Variants in PTPN1 observed in about 807,000 individuals in gnomAD.
PTPN1 encodes tyrosine-protein phosphatase non-receptor type 1.
A neutral mutation model predicts 59.9 loss-of-function variants in PTPN1; 12 were observed. The ratio of observed to expected loss-of-function variants is 0.20; its 90% CI spans 0.13 to 0.32. The LOEUF (loss-of-function observed/expected upper bound fraction) is 0.32, where lower values mean the gene tolerates loss of function less well. Ranked by LOEUF, PTPN1 falls within the 10% of genes least tolerant of loss-of-function variation. PTPN1 has a pLI of 1.00. For missense variants in PTPN1, 356 were observed against 549.2 expected (o/e 0.65, Z 3.52); for synonymous variants, 178 against 203.6 (o/e 0.87, Z 1.07).
rs373051248 is a variant in PTPN1, at chr20:50,582,654, G to A, written c.1285-38G>A. 7.4e-6 allele frequency: 12 copies of A among 1,611,216 alleles called. No homozygotes were observed. Among genetic ancestry groups the A allele is most frequent in the Non-Finnish European group, 1.0e-5 (12 of 1,178,650 alleles). ...CATGAGGCGACAGCTCTGCAGGTGC[G>A]GGTCTGGGCTCATCTGAACTGTTTG... On this transcript the variant is annotated intron_variant, in intron 9 of 9. Transcript: ENST00000371621. The surrounding 1 kb of genome is among the most constrained non-coding windows in gnomAD (Gnocchi z 4.2).
chr20:50,583,939 C>A lies in PTPN1; in HGVS notation c.*1224C>A, dbSNP rs1207632272. The A allele has an allele frequency of 6.6e-6, 1 of 152,586 alleles. No individual in the cohort carries two copies. Among genetic ancestry groups the A allele is most frequent in the East Asian group, 1.9e-4 (1 of 5,204 alleles). The allele number at this position is 152,586 out of a possible 1,614,324, so 9.5% of individuals were successfully genotyped here. A position where few individuals can be genotyped will look rare whatever the true frequency, so the allele number is the denominator to read the frequency against. On this transcript the variant is annotated 3_prime_UTR_variant, in exon 10 of 10. Transcript: ENST00000371621. ...AGACCGTGATTTGGAAGAGAGGCAC[C>A]TGCTGGAAACCACACTTCTTGAAAC...
chr20:50,547,113 G>A (rs1198761028), intron 1 of PTPN1, among the ~76,000 whole-genome samples: 1 of 152,128 alleles, frequency 6.6e-6, no homozygotes, highest in East Asian at 1.9e-4. Flanking sequence ...TCTGCCTATT[G>A]ATTTCTACCC....
intron 1 of PTPN1, among the ~76,000 whole-genome samples, chr20:50,544,974 C>G (rs557406622): frequency 6.6e-6 from 1 of 152,188 alleles, no homozygotes; most frequent in East Asian, 1.9e-4. Context: ...CCACTGCACT[C>G]CAGCCTGGGT....
chr20:50,526,736 C>T (rs2082577406), intron 1 of PTPN1, among the ~76,000 whole-genome samples: 1 of 152,116 alleles, frequency 6.6e-6, no homozygotes, highest in Admixed American at 6.5e-5. Context: ...CCCCCCACCG[C>T]AGCCTCCTCA....
rs145100433 is a variant in PTPN1, at chr20:50,527,347, AT to A, written c.63+16770del. ...TCTATGCTACCAAGCCACTGAAATA[AT>A]TTTTTTTTTTTTCCAGACTGAGTCT... is the stretch of plus-strand genomic sequence containing the variant. On this transcript the variant is annotated intron_variant, in intron 1 of 9. Coordinates refer to ENST00000371621, the MANE Select transcript of PTPN1 (RefSeq NM_002827.4). 2.7e-3 allele frequency among the ~76,000 whole-genome samples: 400 copies of A among 146,252 alleles called. 2 individuals are homozygous for A. Among genetic ancestry groups the A allele is most frequent in the Middle Eastern group, 7.1e-3 (2 of 280 alleles).
chr20:50,550,680 G>C (rs77343292), intron 1 of PTPN1, among the ~76,000 whole-genome samples: 3,550 of 152,314 alleles, frequency 0.023, 120 homozygotes, highest in African/African-American at 0.077. Flanking sequence ...AGTATCCATT[G>C]ATTCAGTTAA....
intron 1 of PTPN1, among the ~76,000 whole-genome samples, chr20:50,527,020 C>G (rs1002353793): frequency 3.9e-5 from 6 of 152,232 alleles, no homozygotes; most frequent in African/African-American, 4.8e-5. Context: ...CCTCATTTCT[C>G]TCACAGGGGA....
At chr20:50,561,511 G>A (rs1322514190) in intron 2 of PTPN1, 58 bp downstream of exon 2, 9 of 1,119,048 alleles carry the variant, frequency 8.0e-6, no homozygotes, top group Non-Finnish European at 9.2e-6. Context: ...GGCCTTTTTA[G>A]TCAAGACTCC....
chr20:50,525,626 T>TTGA (rs2082571410), intron 1 of PTPN1, among the ~76,000 whole-genome samples: 1 of 150,104 alleles, frequency 6.7e-6, no homozygotes, highest in Non-Finnish European at 1.5e-5. Flanking sequence ...TTTTTTTTTT[T>TTGA]TGATGATTGT....
At chr20:50,557,616 T>C (rs929511551) in intron 1 of PTPN1, 1 of 152,280 alleles carries the variant, frequency 6.6e-6, no homozygotes, top group Non-Finnish European at 1.5e-5. Flanking sequence ...ACTGTGTTTC[T>C]TTTTTAAACA....
Position 50,581,316 on chromosome 20 carries a change from A to C in PTPN1, c.1140A>C (p.Arg380=), listed in dbSNP as rs755880882. 6.2e-7 allele frequency: 1 copy of C among 1,613,790 alleles called. No homozygotes were observed. Among genetic ancestry groups the C allele is most frequent in the Non-Finnish European group, 8.5e-7 (1 of 1,179,674 alleles). The change falls in exon 9 of 10, where the codon CGA becomes CGC. Residue 380 remains arginine, a synonymous_variant. Transcript: ENST00000371621. ...GTCGGGTCGTGGGGGGAAGTCTTCG[A>C]GGTGCCCAGGCTGCCTCCCCAGCCA... The part of the protein sequence containing the change: ...VRSRVVGGSL[R]GAQAASPAKG...
chr20:50,531,872 T>A (rs2082602840), intron 1 of PTPN1, among the ~76,000 whole-genome samples: 1 of 152,020 alleles, frequency 6.6e-6, no homozygotes, highest in African/African-American at 2.4e-5. Flanking sequence ...CGGCTACCAC[T>A]AGCAATTACT....
chr20:50,556,972 A>C (rs555877153), intron 1 of PTPN1, among the ~76,000 whole-genome samples: 26 of 152,326 alleles, frequency 1.7e-4, no homozygotes, highest in African/African-American at 6.3e-4. Context: ...ACCCACATAC[A>C]TGACTTTACA....
chr20:50,543,250 C>T (rs2082660300), intron 1 of PTPN1, among the ~76,000 whole-genome samples: 1 of 152,166 alleles, frequency 6.6e-6, no homozygotes, highest in South Asian at 2.1e-4. Context: ...CCATCCTGCC[C>T]ATTCTTTCCT....
At chr20:50,522,318 G>A (rs1273538874) in intron 1 of PTPN1, among the ~76,000 whole-genome samples, 3 of 152,120 alleles carry the variant, frequency 2.0e-5, no homozygotes, top group East Asian at 3.9e-4. Flanking sequence ...AAGTTACATT[G>A]GGTGGGCCTA....
At chr20:50,552,201 C>T (rs927548378) in intron 1 of PTPN1, among the ~76,000 whole-genome samples, 4 of 152,070 alleles carry the variant, frequency 2.6e-5, no homozygotes, top group African/African-American at 7.2e-5. Flanking sequence ...CCTTTAATTG[C>T]GTAGGTCCTA....
At chr20:50,581,737 C>T (rs545206817) in intron 9 of PTPN1, among the ~76,000 whole-genome samples, 1 of 151,338 alleles carries the variant, frequency 6.6e-6, no homozygotes, top group African/African-American at 2.4e-5. Context: ...CCAAATACGT[C>T]TGTTTCTCTC....
rs1371721494 is a variant in PTPN1 at position 50,568,977 on chromosome 20, C to G, written c.354+499C>G. ...CACACCTCTTCGGAGTGAGCATTGA[C>G]TTCAGGATGTGTGTCATTCTAAGTT... On this transcript the variant is annotated intron_variant, in intron 4 of 9. Transcript: ENST00000371621. The surrounding 1 kb of genome is among the most constrained non-coding windows in gnomAD (Gnocchi z 5.6). 6.6e-6 allele frequency among the ~76,000 whole-genome samples: 1 copy of G among 152,178 alleles called. No homozygotes were observed. The highest frequency in any genetic ancestry group is 2.4e-5 in the African/African-American group (1 of 41,446).
intron 1 of PTPN1, among the ~76,000 whole-genome samples, chr20:50,535,414 G>A (rs1365381554): frequency 6.6e-6 from 1 of 152,138 alleles, no homozygotes; most frequent in Non-Finnish European, 1.5e-5. Context: ...CGGAGCACGT[G>A]CCTCCCTCTT....
Sources: allele counts gnomAD v4.1 joint callset (sites outside exome capture counted in the v4.1 genomes callset), GRCh38; gene constraint gnomAD v4.1.1; non-coding constraint Gnocchi (gnomAD v3.1); transcripts MANE v1.5; gene names NCBI Gene and HGNC (gene_info 2026-07-23, HGNC 2026-07-21).